CFAP44: variants seen among roughly 807,000 people sequenced by gnomAD.
CFAP44 encodes cilia- and flagella-associated protein 44.
A neutral mutation model predicts 216.2 loss-of-function variants in CFAP44; 134 were observed. The observed-to-expected ratio is 0.62, with a 90% CI of 0.54 to 0.72. The LOEUF (loss-of-function observed/expected upper bound fraction) is 0.72, where lower values mean the gene tolerates loss of function less well. CFAP44 is among the 30% of genes least tolerant of loss of function. CFAP44 has a pLI of 0.00. For synonymous variants in CFAP44, 700 were observed against 727.6 expected (o/e 0.96, Z 0.61); for missense variants, 2,035 against 2,182.1 (o/e 0.93, Z 1.34).
Position 113,345,919 on chromosome 3 carries a change from A to C in CFAP44, c.3066-1207T>G, listed in dbSNP as rs573204933. On this transcript the variant is annotated intron_variant, in intron 22 of 34. Transcript: ENST00000393845. ...TCTTTTTAATTTTCCCTTTTCTTTC[A>C]TACATACTATCTTTCTCATCTCTTT... Among the ~76,000 whole-genome samples, 4 of 152,164 alleles carry C rather than the reference A, an allele frequency of 2.6e-5. No homozygotes were observed. The South Asian group carries it at 8.3e-4, about 32-fold the overall frequency.
At chr3:113,396,390 G>T in intron 14 of CFAP44, 128 bp downstream of exon 14, 1 of 1,084,452 alleles carries the variant, frequency 9.2e-7, no homozygotes, top group Non-Finnish European at 1.3e-6. Context: ...TGACTACAAA[G>T]AAAGCAAAAT....
At chr3:113,419,073 T>C (rs1285660451) in intron 5 of CFAP44, among the ~76,000 whole-genome samples, 1 of 152,190 alleles carries the variant, frequency 6.6e-6, no homozygotes, top group Non-Finnish European at 1.5e-5. Context: ...TATAACAAAA[T>C]ATTAAAATAG....
intron 22 of CFAP44, among the ~76,000 whole-genome samples, chr3:113,347,499 C>T (rs1950396913): frequency 6.6e-6 from 1 of 152,166 alleles, no homozygotes; most frequent in South Asian, 2.1e-4. Context: ...TACCCCGTCT[C>T]TGGTGCTTTT....
chr3:113,327,735 A>G lies in CFAP44; in HGVS notation c.4201T>C (p.Ser1401Pro). The G allele has an allele frequency of 2.0e-6, 3 of 1,537,072 alleles. No homozygotes were observed. The highest frequency in any genetic ancestry group is 2.6e-6 in the Non-Finnish European group (3 of 1,146,734). The part of the protein sequence containing the change: ...KLKLDTQMKL[S>P]DLHHVTLFQE... ...AATAAGGTGACATGGTGCAGGTCAG[A>G]TAATTTCATCTGAGTATCTAGTTTT... Residue 1401 changes from serine to proline, a missense_variant, in exon 27 of 35, where the codon TCT becomes CCT. Ser to Pro is a moderately conservative substitution (Grantham distance 74, BLOSUM62 -1). This residue lies in a region of CFAP44 where 1,883 missense variants were observed against 2,023.7 expected (regional missense o/e 0.93). Transcript: ENST00000393845.
intron 22 of CFAP44, among the ~76,000 whole-genome samples, chr3:113,351,890 C>G (rs1950448469): frequency 6.6e-6 from 1 of 152,164 alleles, no homozygotes; most frequent in Non-Finnish European, 1.5e-5. Context: ...GTTCAACTAC[C>G]AACTTCTACC....
At chr3:113,425,937 T>C (rs1304454375) in intron 4 of CFAP44, 187 bp downstream of exon 4, 1 of 640,086 alleles carries the variant, frequency 1.6e-6, no homozygotes, top group Non-Finnish European at 2.6e-6. Context: ...CTTATCCCTG[T>C]CCTTGTTGTG....
At chr3:113,346,654 A>G (rs554770949) in intron 22 of CFAP44, among the ~76,000 whole-genome samples, 13 of 152,130 alleles carry the variant, frequency 8.5e-5, no homozygotes, top group Admixed American at 7.9e-4. Context: ...GTGTCTAGCT[A>G]AAGGATTGTA....
At position 113,379,393 on chromosome 3, in the gene CFAP44, C is replaced by CTCT. The variant is rs1277608982; in HGVS notation, c.2208_2210dup (p.Glu737dup). ...ACGGAATAAATATTTCAGGTAATGGCTCTTCTTCCTCCTCCTCCTCCTCTT... is the reference window on the plus strand; with the variant it reads ...ACGGAATAAATATTTCAGGTAATGGCTCTTCTTCTTCCTCCTCCTCCTCCTCTT... On this transcript the variant is annotated inframe_insertion, in exon 17 of 35. Coordinates refer to ENST00000393845, the MANE Select transcript of CFAP44 (RefSeq NM_001164496.2). The CTCT allele has an allele frequency of 1.2e-6, 2 of 1,611,730 alleles. No individual in the cohort carries two copies.
At chr3:113,364,926 T>TA (rs35327600) in intron 19 of CFAP44, among the ~76,000 whole-genome samples, 1,581 of 152,026 alleles carry the variant, frequency 0.01, 25 homozygotes, top group African/African-American at 0.034. Flanking sequence ...TTGTTTTTTT[T>TA]AAAAAAAATC....
chr3:113,341,598 G>A, intron 24 of CFAP44, 146 bp downstream of exon 24: 1 of 982,142 alleles, frequency 1.0e-6, no homozygotes, highest in South Asian at 2.6e-5. Flanking sequence ...CAGCTGACCT[G>A]TTTATAATAT....
chr3:113,341,970 T>C, intron 23 of CFAP44, 52 bp from the exon 24 acceptor site: 6 of 1,466,218 alleles, frequency 4.1e-6, no homozygotes, highest in Non-Finnish European at 5.4e-6. Flanking sequence ...AAAACAAAAC[T>C]CTCAGATATT....
chr3:113,412,246 T>C (rs1310605144), intron 6 of CFAP44, among the ~76,000 whole-genome samples: 1 of 152,078 alleles, frequency 6.6e-6, no homozygotes, highest in Non-Finnish European at 1.5e-5. Flanking sequence ...GATGACATGG[T>C]TGTATATTAG....
In CFAP44 at chr3:113,287,703, A is replaced by C. The variant is rs564881467; in HGVS notation, c.*3854T>G. On this transcript the variant is annotated 3_prime_UTR_variant, in exon 35 of 35. Coordinates refer to ENST00000393845, the MANE Select transcript of CFAP44 (RefSeq NM_001164496.2). Reference sequence around the variant, plus strand: ...ACAACAGACCAGGAAAAACAGGTTCATAGTTCTCTTACCAACTGGACTTGA... The same window carrying C: ...ACAACAGACCAGGAAAAACAGGTTCCTAGTTCTCTTACCAACTGGACTTGA... 8.0e-4 allele frequency: 122 copies of C among 152,380 alleles called. No individual in the cohort carries two copies. The highest frequency in any genetic ancestry group is 2.7e-3 in the African/African-American group (113 of 41,580). The allele number at this position is 152,380 out of a possible 1,614,324, so 9.4% of individuals were successfully genotyped here.
Position 113,291,614 on chromosome 3 carries a change from A to T in CFAP44, c.5508T>A (p.Leu1836=). Reference sequence around the variant, plus strand: ...GTGGAGACTGAATGGGTGGGAGGATAAGACTGCCTTTCCTACGCAAAAGAG... The same window carrying T: ...GTGGAGACTGAATGGGTGGGAGGATTAGACTGCCTTTCCTACGCAAAAGAG... ...EIALLRRKGS[L]ILPPIQSPRE... is the part of the protein sequence containing the mutation. The change falls in exon 35 of 35, where the codon CTT becomes CTA. Residue 1836 remains leucine (L), a synonymous_variant. Coordinates refer to ENST00000393845, the MANE Select transcript of CFAP44 (RefSeq NM_001164496.2). The T allele has an allele frequency of 6.5e-7, 1 of 1,537,254 alleles. No homozygotes were observed. The highest frequency in any genetic ancestry group is 8.7e-7 in the Non-Finnish European group (1 of 1,146,922).
intron 15 of CFAP44, among the ~76,000 whole-genome samples, chr3:113,394,959 G>A (rs1933950024): frequency 6.6e-6 from 1 of 152,144 alleles, no homozygotes; most frequent in Admixed American, 6.5e-5. Flanking sequence ...ACTTTGTACT[G>A]CTTATTTAAT....
intron 22 of CFAP44, among the ~76,000 whole-genome samples, chr3:113,349,171 G>A (rs899741095): frequency 2.0e-5 from 3 of 152,138 alleles, no homozygotes; most frequent in African/African-American, 7.2e-5. Flanking sequence ...CCATAACTCA[G>A]GGAAAGGAAG....
chr3:113,421,460 T>C (rs1934813465), intron 4 of CFAP44, among the ~76,000 whole-genome samples: 1 of 152,158 alleles, frequency 6.6e-6, no homozygotes, highest in East Asian at 1.9e-4. Flanking sequence ...AAAATAGAAC[T>C]ACCATTCAAC....
intron 32 of CFAP44, among the ~76,000 whole-genome samples, chr3:113,299,824 T>G (rs903455198): frequency 6.6e-6 from 1 of 152,106 alleles, no homozygotes; most frequent in African/African-American, 2.4e-5. Context: ...GCCCAGGAGT[T>G]TGAGACCATC....
At chr3:113,340,683 T>G (rs1950324579) in intron 24 of CFAP44, among the ~76,000 whole-genome samples, 1 of 152,210 alleles carries the variant, frequency 6.6e-6, no homozygotes, top group African/African-American at 2.4e-5. Context: ...TGTTTGCAGC[T>G]GAAGCCCCAA....
Sources: gnomAD v4.1 joint callset for allele counts (sites outside exome capture counted in the v4.1 genomes callset) on GRCh38, gnomAD v4.1.1 for gene constraint, gnomAD v4.1.1 regional missense constraint, MANE v1.5 for transcripts, NCBI Gene and HGNC (gene_info 2026-07-23, HGNC 2026-07-21) for gene names.